PCNX2: variants seen among roughly 807,000 people sequenced by gnomAD.
PCNX2 encodes the protein pecanex 2, also known as pecanex-like protein 2.
PCNX2 carries 168 observed loss-of-function variants against 223.8 expected under a neutral mutation model. The observed-to-expected ratio is 0.75, with a 90% CI of 0.66 to 0.85. PCNX2 has a LOEUF of 0.85. Ranked by LOEUF, PCNX2 falls within the 40% of genes least tolerant of loss-of-function variation. The probability of loss-of-function intolerance (pLI) is 0.00; values close to 1 mark genes in which losing one functional copy is unlikely to be tolerated. For missense variants in PCNX2, 2,507 were observed against 2,675.5 expected, an observed-to-expected ratio of 0.94 and a Z score of 1.39; for synonymous variants, 1,006 against 1,052.6, an observed-to-expected ratio of 0.96 and a Z score of 0.86.
intron 23 of PCNX2, among the ~76,000 whole-genome samples, chr1:233,082,482 C>T (rs1673405876): frequency 6.6e-6 from 1 of 152,148 alleles, no homozygotes; most frequent in African/African-American, 2.4e-5. Flanking sequence ...TGTTGCGTTC[C>T]TTGTCATGGC....
Position 233,293,036 on chromosome 1 carries a change from C to T in PCNX2, c.153+2290G>A, listed in dbSNP as rs139330531. 3.3e-3 allele frequency among the ~76,000 whole-genome samples: 509 copies of T among 152,014 alleles called. 2 individuals carry two copies. The highest frequency in any genetic ancestry group is 9.6e-3 in the African/African-American group (400 of 41,454). On this transcript the variant is annotated intron_variant, in intron 1 of 33. Transcript: ENST00000258229. Reference sequence around the variant, plus strand: ...ATTACATTTAAATATCATCAAAAAGCAAATTAATGAAGGACAATTTCCTAC... The same window carrying T: ...ATTACATTTAAATATCATCAAAAAGTAAATTAATGAAGGACAATTTCCTAC...
At chr1:233,117,997 G>A (rs1207747879) in intron 21 of PCNX2, among the ~76,000 whole-genome samples, 1 of 145,846 alleles carries the variant, frequency 6.9e-6, no homozygotes, top group Non-Finnish European at 1.5e-5. Context: ...GCGACAGAGC[G>A]AGACTCCGTC....
intron 23 of PCNX2, among the ~76,000 whole-genome samples, chr1:233,063,804 C>T (rs10158449): frequency 0.2 from 29,707 of 152,062 alleles, 4,442 homozygotes; most frequent in African/African-American, 0.42. Flanking sequence ...AGTCTCTTAA[C>T]CTCCCTGGAA....
chr1:233,043,887 T>C (rs1412456625), intron 25 of PCNX2, among the ~76,000 whole-genome samples: 2 of 151,718 alleles, frequency 1.3e-5, no homozygotes, highest in African/African-American at 4.9e-5. Flanking sequence ...TGTGTCTTTA[T>C]AGCAGCATGA....
intron 17 of PCNX2, among the ~76,000 whole-genome samples, chr1:233,166,888 T>G (rs1181338416): frequency 6.6e-6 from 1 of 152,132 alleles, no homozygotes; most frequent in Non-Finnish European, 1.5e-5. Context: ...CCGCCTGTAA[T>G]TCCAGCACTT....
chr1:233,276,978 T>G (rs531454159), intron 1 of PCNX2, among the ~76,000 whole-genome samples: 2 of 152,100 alleles, frequency 1.3e-5, no homozygotes, highest in Admixed American at 6.5e-5. Flanking sequence ...TAGACTAGAG[T>G]GTCAGGGAAT....
At chr1:233,024,312 AC>A (rs371926462) in intron 26 of PCNX2, among the ~76,000 whole-genome samples, 79 of 152,268 alleles carry the variant, frequency 5.2e-4, no homozygotes, top group Admixed American at 1.0e-3. Flanking sequence ...CTGCTGGACC[AC>A]CTGTCTCGGC....
Position 233,258,076 on chromosome 1 carries a change from G to A in PCNX2, c.1786C>T (p.Gln596Ter). The change falls in exon 5 of 34, where the codon CAA becomes TAA. Residue 596 changes from glutamine (Q) to a stop codon, truncating the protein, a stop_gained. Coordinates refer to ENST00000258229, the MANE Select transcript of PCNX2 (RefSeq NM_014801.4). LOFTEE classifies it high-confidence loss of function. ...TTCTGCTCAGCTGAGCCATTCAGTT[G>A]ACTGGATGCCGTCATCTTGGAAGTA... ...INTSKMTASS[Q>*]LNGSAEQNEE... 1 of 1,613,954 alleles carries A rather than the reference G, an allele frequency of 6.2e-7. No individual in the cohort carries two copies. The highest frequency in any genetic ancestry group is 8.5e-7 in the Non-Finnish European group (1 of 1,179,868).
At chr1:233,188,927 A>G (rs779484006) in intron 15 of PCNX2, among the ~76,000 whole-genome samples, 1 of 152,194 alleles carries the variant, frequency 6.6e-6, no homozygotes. Flanking sequence ...TAACTTCATC[A>G]CAGGAGTGAC....
At chr1:233,036,043 C>CA (rs146852086) in intron 25 of PCNX2, among the ~76,000 whole-genome samples, 13,317 of 152,060 alleles carry the variant, frequency 0.088, 654 homozygotes, top group African/African-American at 0.13. Flanking sequence ...GAAATAATGT[C>CA]AAAAAAAGAC....
intron 21 of PCNX2, chr1:233,112,988 A>G (rs1280238166): frequency 7.8e-7 from 1 of 1,289,286 alleles, no homozygotes; most frequent in Non-Finnish European, 1.0e-6. Flanking sequence ...AAGACAAGAA[A>G]GTGGATGTGT....
chr1:233,147,633 G>T (rs1274981614), intron 19 of PCNX2, among the ~76,000 whole-genome samples: 1 of 152,128 alleles, frequency 6.6e-6, no homozygotes, highest in Non-Finnish European at 1.5e-5. Flanking sequence ...GACTTGTGTT[G>T]TTCAAGGTCA....
intron 24 of PCNX2, 122 bp downstream of exon 24, chr1:233,057,107 TCAG>T: frequency 1.2e-6 from 1 of 852,680 alleles, no homozygotes; most frequent in Non-Finnish European, 1.8e-6. Context: ...TATTCCACAT[TCAG>T]CAGATTAACT....
chr1:233,312,800 T>G, the PCNX2 span, among the ~76,000 whole-genome samples: 10 of 152,160 alleles, frequency 6.6e-5, no homozygotes, highest in Admixed American at 5.9e-4. Context: ...GGATGTCTAG[T>G]AAAATAGGGA....
At chr1:233,075,063 C>T (rs1324992071) in intron 23 of PCNX2, among the ~76,000 whole-genome samples, 6 of 152,102 alleles carry the variant, frequency 3.9e-5, no homozygotes, top group Non-Finnish European at 7.4e-5. Context: ...CATTATGAGA[C>T]AGCAATGGCA....
At position 233,259,249 on chromosome 1, in the gene PCNX2, G is replaced by A. The variant is rs1450458614; in HGVS notation, c.613C>T (p.Leu205=). The A allele has an allele frequency of 1.2e-6, 2 of 1,613,948 alleles. No homozygotes were observed. The highest frequency in any genetic ancestry group is 1.7e-6 in the Non-Finnish European group (2 of 1,179,872). ...ESLPASQAHM[L]ETTTKSVIPV... ...ATTACTGACTTGGTCGTGGTTTCCA[G>A]CATGTGTGCTTGAGACGCAGGTAAG... is the stretch of plus-strand genomic sequence containing the variant. The change falls in exon 5 of 34, where the codon CTG becomes TTG. Residue 205 remains leucine (L), a synonymous_variant. Transcript: ENST00000258229.
intron 8 of PCNX2, among the ~76,000 whole-genome samples, chr1:233,245,540 G>A (rs1252015165): frequency 6.6e-6 from 1 of 152,186 alleles, no homozygotes; most frequent in Non-Finnish European, 1.5e-5. Context: ...CCCACTGGAG[G>A]GGGCAGGGCA....
intron 23 of PCNX2, among the ~76,000 whole-genome samples, chr1:233,082,881 G>C (rs1252489209): frequency 6.6e-6 from 1 of 152,186 alleles, no homozygotes; most frequent in Non-Finnish European, 1.5e-5. Flanking sequence ...AATCCCATCT[G>C]CTGCCAAACT....
Position 233,217,884 on chromosome 1 carries a change from T to C in PCNX2, c.2691+15A>G, listed in dbSNP as rs1387132376. On this transcript the variant is annotated intron_variant, in intron 12 of 33. Coordinates refer to ENST00000258229, the MANE Select transcript of PCNX2 (RefSeq NM_014801.4). ...ACAGACAAGAAAAGCTACTTGCCTG[T>C]ATTTGGAAACTTACGTGTATTGGTG... 1 of 1,613,852 alleles carries C rather than the reference T, an allele frequency of 6.2e-7. No homozygotes were observed. The highest frequency in any genetic ancestry group is 2.2e-5 in the East Asian group (1 of 44,884).
Sources: gnomAD v4.1 joint callset for allele counts (sites outside exome capture counted in the v4.1 genomes callset) on GRCh38, gnomAD v4.1.1 for gene constraint, MANE v1.5 for transcripts, NCBI Gene and HGNC (gene_info 2026-07-23, HGNC 2026-07-21) for gene names.